Variants in LAMA4 observed in about 807,000 individuals in gnomAD.
LAMA4 encodes the protein laminin subunit alpha 4, also known as laminin subunit alpha-4.
Under a neutral mutation model 207.1 loss-of-function variants are expected in LAMA4, and 127 were observed. The ratio of observed to expected loss-of-function variants is 0.61; its 90% confidence interval spans 0.53 to 0.71. The LOEUF (loss-of-function observed/expected upper bound fraction) is 0.71, where lower values mean the gene tolerates loss of function less well. Ranked by LOEUF, LAMA4 falls within the 30% of genes least tolerant of loss-of-function variation. The pLI, the probability that LAMA4 is intolerant of heterozygous loss-of-function variation, is 0.00. For synonymous variants in LAMA4, 761 were observed against 816.0 expected, an observed-to-expected ratio of 0.93 and a Z score of 1.15; for missense variants, 2,093 against 2,246.5, an observed-to-expected ratio of 0.93 and a Z score of 1.38.
rs782070205 is a variant in LAMA4 at position 112,114,158 on chromosome 6, G to T, written c.5244C>A (p.Asp1748Glu). 8.7e-6 allele frequency: 14 copies of T among 1,613,654 alleles called. No homozygotes were observed. In the South Asian group the frequency reaches 1.5e-4, roughly 18 times the overall value. Reference protein sequence around the residue: ...RDSNVVQLDVDSEVNHVVGPL... With the variant: ...RDSNVVQLDVESEVNHVVGPL... ...GTCCAACCACATGGTTCACTTCAGA[G>T]TCCACATCCAACTGAACCACATTAG... The change falls in exon 38 of 39, where the codon GAC becomes GAA. Residue 1748 changes from aspartate to glutamate, a missense_variant. Transcript: ENST00000230538.
intron 15 of LAMA4, chr6:112,155,295 T>G (rs1332983050): frequency 1.8e-6 from 1 of 566,552 alleles, no homozygotes; most frequent in Non-Finnish European, 3.1e-6. Flanking sequence ...AAGAACTAAT[T>G]TTAAATACAT....
In LAMA4 at chr6:112,133,442, G is replaced by A. The variant is rs782447002; in HGVS notation, c.3603C>T (p.Cys1201=). Residue 1201 remains cysteine (C), a synonymous_variant, in exon 27 of 39, where the codon TGC becomes TGT. Transcript: ENST00000230538. ...TCTTTTGGAACTGGAAGCCCTTCAT[G>A]CATCCTCTGAAGTTGATATCTAGGG... ...HLPLDINFRG[C]MKGFQFQKKD... The A allele has an allele frequency of 4.3e-6, 7 of 1,613,618 alleles. No individual in the cohort carries two copies. The South Asian group carries it at 6.6e-5, about 15-fold the overall frequency.
At chr6:112,146,960 C>A (rs185489405) in intron 18 of LAMA4, among the ~76,000 whole-genome samples, 1 of 152,306 alleles carries the variant, frequency 6.6e-6, no homozygotes, top group Admixed American at 6.5e-5. Context: ...AGTCCCCCTG[C>A]TCCCTACAAT....
chr6:112,181,576 A>G (rs1488671555), intron 9 of LAMA4, among the ~76,000 whole-genome samples: 1 of 152,082 alleles, frequency 6.6e-6, no homozygotes, highest in Non-Finnish European at 1.5e-5. Flanking sequence ...ACTCCTACTC[A>G]TTCTCAATAT....
At chr6:112,217,711 T>TG (rs1784708968) in intron 2 of LAMA4, 1 of 152,082 alleles carries the variant, frequency 6.6e-6, no homozygotes, top group East Asian at 1.9e-4. Flanking sequence ...CATTTGTCTA[T>TG]GAAAAAAAGG....
At chr6:112,236,413 T>C (rs1554366035) in intron 2 of LAMA4, 1 of 152,220 alleles carries the variant, frequency 6.6e-6, no homozygotes, top group Admixed American at 6.5e-5. Context: ...AAGGTGGAAA[T>C]ATATAGGAAA....
At chr6:112,248,087 T>C (rs1787130685) in intron 2 of LAMA4, among the ~76,000 whole-genome samples, 1 of 152,194 alleles carries the variant, frequency 6.6e-6, no homozygotes, top group Admixed American at 6.5e-5. Context: ...AGGAAGGAGT[T>C]AATCGGAAGT....
At chr6:112,190,034 A>G (rs1221759294) in intron 6 of LAMA4, among the ~76,000 whole-genome samples, 3 of 152,218 alleles carry the variant, frequency 2.0e-5, no homozygotes, top group African/African-American at 7.2e-5. Context: ...TTACAGAATA[A>G]TCATAAAAAC....
At chr6:112,110,268 GGAT>G (rs1448952794) in intron 38 of LAMA4, among the ~76,000 whole-genome samples, 1 of 152,110 alleles carries the variant, frequency 6.6e-6, no homozygotes, top group Non-Finnish European at 1.5e-5. Flanking sequence ...AAATGTGTTA[GGAT>G]GATAGAAGCA....
rs573074100 is a variant in LAMA4 at position 112,234,493 on chromosome 6, G to A, written c.196-18024C>T. On this transcript the variant is annotated intron_variant, in intron 2 of 38. Transcript: ENST00000230538. ...AAATTTGTTAATTTCTGGATGATTT[G>A]AACTAACTCAAAGGAAATTCATGCT... 3.3e-5 allele frequency: 5 copies of A among 151,640 alleles called. No individual in the cohort carries two copies. The East Asian group carries it at 9.7e-4, about 29-fold the overall frequency. The allele number at this position is 151,640 out of a possible 1,614,324, so 9.4% of individuals were successfully genotyped here.
chr6:112,109,547 G>A lies in LAMA4; in HGVS notation c.5362C>T (p.Pro1788Ser). The A allele has an allele frequency of 6.2e-7, 1 of 1,614,124 alleles. No individual in the cohort carries two copies. The highest frequency in any genetic ancestry group is 8.5e-7 in the Non-Finnish European group (1 of 1,179,992). ...AAGTGGCGTATGCAGCCTGTGAAGG[G>A]TTTGCTGGGGGCCAAGCGTGGTGTC... ...LLTPRLAPSKPFTGCIRHFVI... is the reference protein window; with the variant it reads ...LLTPRLAPSKSFTGCIRHFVI... The change falls in exon 39 of 39, where the codon CCC becomes TCC. Residue 1788 changes from proline (P) to serine (S), a missense_variant. By Grantham distance (74) the Pro-to-Ser change is moderately conservative. Around this residue, in one of 3 missense-constraint regions of LAMA4, gnomAD observed 383 missense variants for 437.8 expected, o/e 0.87. Coordinates refer to ENST00000230538, the MANE Select transcript of LAMA4 (RefSeq NM_001105206.3).
intron 16 of LAMA4, among the ~76,000 whole-genome samples, chr6:112,153,237 AAT>A (rs1448962887): frequency 2.6e-5 from 4 of 150,954 alleles, no homozygotes; most frequent in Admixed American, 2.6e-4. Context: ...TGTAATCTGA[AAT>A]TATAATGTAA....
At chr6:112,143,417 T>A (rs934834383) in intron 19 of LAMA4, among the ~76,000 whole-genome samples, 10 of 151,804 alleles carry the variant, frequency 6.6e-5, no homozygotes, top group Admixed American at 6.6e-4. Flanking sequence ...CCTGAGTAAC[T>A]GGGACTACAG....
intron 31 of LAMA4, among the ~76,000 whole-genome samples, chr6:112,123,973 C>A (rs1554326792): frequency 6.6e-6 from 1 of 152,180 alleles, no homozygotes; most frequent in Non-Finnish European, 1.5e-5. Flanking sequence ...CGTAGGTGGG[C>A]AGAATGGGCT....
chr6:112,134,749 A>G lies in LAMA4; in HGVS notation c.3415-140T>C, dbSNP rs1554330975. 7.2e-6 allele frequency: 5 copies of G among 692,200 alleles called. No individual in the cohort carries two copies. In the African/African-American group the frequency reaches 9.0e-5, roughly 12 times the overall value. The allele number at this position is 692,200 out of a possible 1,614,324, so 42.9% of individuals were successfully genotyped here. ...CTTGTTTGTTCACAAAATGGGGAATAGATAGATTTTCTTTTCTCACAGACT... is the reference window on the plus strand; with the variant it reads ...CTTGTTTGTTCACAAAATGGGGAATGGATAGATTTTCTTTTCTCACAGACT... On this transcript the variant is annotated intron_variant, in intron 25 of 38. Coordinates refer to ENST00000230538, the MANE Select transcript of LAMA4 (RefSeq NM_001105206.3).
At chr6:112,142,364 A>G in intron 19 of LAMA4, 72 bp from the exon 20 acceptor site, 1 of 1,390,446 alleles carries the variant, frequency 7.2e-7, no homozygotes, top group Non-Finnish European at 1.0e-6. Flanking sequence ...TGCTTCCCTC[A>G]TTCGTGACAG....
At chr6:112,126,992 A>G (rs1340704391) in intron 31 of LAMA4, among the ~76,000 whole-genome samples, 1 of 152,198 alleles carries the variant, frequency 6.6e-6, no homozygotes, top group Non-Finnish European at 1.5e-5. Context: ...CTCTATAGAG[A>G]TATAACCACT....
chr6:112,245,323 A>G lies in LAMA4; in HGVS notation c.195+8633T>C, dbSNP rs368935661. Among the ~76,000 whole-genome samples, 6 of 152,284 alleles carry G rather than the reference A, an allele frequency of 3.9e-5. No individual in the cohort carries two copies. The East Asian group carries it at 9.7e-4, about 24-fold the overall frequency. On this transcript the variant is annotated intron_variant, in intron 2 of 38. Transcript: ENST00000230538. ...TGATTCTAGAGGGTTCTATAGTCCT[A>G]GCATCCCAGGGCCTGAGGCTTACTA...
Position 112,254,053 on chromosome 6 carries a change from G to A in LAMA4, c.98C>T (p.Pro33Leu), listed in dbSNP as rs782047461. Residue 33 changes from proline (P) to leucine (L), a missense_variant, in exon 2 of 39, where the codon CCT (proline) becomes CTT (leucine). Coordinates refer to ENST00000230538, the MANE Select transcript of LAMA4 (RefSeq NM_001105206.3). ...RAASGDDNAF[P>L]FDIEGSSAVG... ...CGCTGAGCTCCCTTCAATGTCAAAA[G>A]GAAAAGCGTTGTCGTCCCCGGACGC... The A allele has an allele frequency of 1.2e-6, 2 of 1,605,646 alleles. No homozygotes were observed. Among genetic ancestry groups the A allele is most frequent in the South Asian group, 1.1e-5 (1 of 89,660 alleles).
Sources: gnomAD v4.1 joint callset for allele counts (sites outside exome capture counted in the v4.1 genomes callset) on GRCh38, gnomAD v4.1.1 for gene constraint, gnomAD v4.1.1 regional missense constraint, MANE v1.5 for transcripts, NCBI Gene and HGNC (gene_info 2026-07-23, HGNC 2026-07-21) for gene names.